Variants in PDE11A observed in about 807,000 individuals in gnomAD.
PDE11A encodes the protein dual 3',5'-cyclic-AMP and -GMP phosphodiesterase 11A.
Under a neutral mutation model 100.5 loss-of-function variants are expected in PDE11A, and 100 were observed. The ratio of observed to expected loss-of-function variants is 1.00; its 90% CI spans 0.85 to 1.18. PDE11A has a LOEUF of 1.18. PDE11A is among the 50% of genes most tolerant of loss of function. PDE11A has a pLI of 0.00. For missense variants in PDE11A, 1,141 were observed against 1,152.6 expected (o/e 0.99, Z 0.15); for synonymous variants, 381 against 420.8 (o/e 0.91, Z 1.16).
rs138273628 is a variant in PDE11A, at chr2:177,893,952, A to C, written c.1302+4106T>G. 2.1e-3 allele frequency among the ~76,000 whole-genome samples: 326 copies of C among 152,342 alleles called. 1 individual carries two copies. The highest frequency in any genetic ancestry group is 6.9e-3 in the African/African-American group (286 of 41,576). On this transcript the variant is annotated intron_variant, in intron 4 of 19. Transcript: ENST00000286063. Reference sequence around the variant, plus strand: ...TGAAAATCTTCTAATACAGTAGATTAGAAGGGTGGTCATTCTTGCTAATCT... The same window carrying C: ...TGAAAATCTTCTAATACAGTAGATTCGAAGGGTGGTCATTCTTGCTAATCT...
intron 19 of PDE11A, among the ~76,000 whole-genome samples, chr2:177,635,072 C>G (rs532391300): frequency 3.3e-5 from 5 of 152,304 alleles, no homozygotes; most frequent in Admixed American, 2.6e-4. Context: ...ACACAGCTAC[C>G]GTTGAAACCC....
intron 10 of PDE11A, among the ~76,000 whole-genome samples, chr2:177,750,267 C>T (rs1279281186): frequency 1.3e-5 from 2 of 152,096 alleles, no homozygotes; most frequent in Non-Finnish European, 2.9e-5. Flanking sequence ...ATTTATAACT[C>T]AAAACAGCAA....
intron 19 of PDE11A, among the ~76,000 whole-genome samples, chr2:177,630,165 AGGGATGAAAGG>A (rs2079896780): frequency 6.6e-6 from 1 of 152,298 alleles, no homozygotes; most frequent in South Asian, 2.1e-4. Flanking sequence ...AGAGTGACAG[AGGGATGAAAGG>A]GGGATGAGGG....
chr2:177,669,515 A>G lies in PDE11A; in HGVS notation c.2540T>C (p.Leu847Ser). 1 of 1,413,814 alleles carries G rather than the reference A, an allele frequency of 7.1e-7. No homozygotes were observed. The highest frequency in any genetic ancestry group is 1.0e-6 in the Non-Finnish European group (1 of 997,570). 87.6% of individuals were successfully genotyped at this position (1,413,814 alleles called of 1,614,324 possible). A position where few individuals can be genotyped will look rare whatever the true frequency, so the allele number is the denominator to read the frequency against. Residue 847 changes from leucine (L) to serine (S), a missense_variant, in exon 18 of 20, where the codon TTA becomes TCA. Leu to Ser is a moderately radical substitution (Grantham distance 145, BLOSUM62 -2). Transcript: ENST00000286063. ...CACTGAAGGAGTGAGTTTGAGCTCT[A>G]ATCTCTCCCGATCTCCTTGTTCGAA... ...EFFEQGDRER[L>S]ELKLTPSAIF...
At chr2:177,774,872 G>A (rs2105509524) in intron 9 of PDE11A, among the ~76,000 whole-genome samples, 1 of 152,306 alleles carries the variant, frequency 6.6e-6, no homozygotes, top group East Asian at 1.9e-4. Flanking sequence ...GTCACAAGGA[G>A]GAACTGAGGT....
intron 2 of PDE11A, among the ~76,000 whole-genome samples, chr2:177,944,716 C>G (rs1047068881): frequency 6.6e-6 from 1 of 152,102 alleles, no homozygotes; most frequent in East Asian, 1.9e-4. Context: ...TCCGAGAGAC[C>G]GCCGAGGTGC....
At chr2:177,854,385 A>G (rs2083792069) in intron 5 of PDE11A, among the ~76,000 whole-genome samples, 1 of 152,086 alleles carries the variant, frequency 6.6e-6, no homozygotes, top group Non-Finnish European at 1.5e-5. Context: ...ATACATTTCC[A>G]AATTCATTAA....
At chr2:177,986,759 A>C (rs1449829435) in intron 2 of PDE11A, among the ~76,000 whole-genome samples, 2 of 151,124 alleles carry the variant, frequency 1.3e-5, no homozygotes, top group Non-Finnish European at 2.9e-5. Context: ...TGAACACGGG[A>C]GGCAGAGGTT....
At chr2:178,094,842 G>C (rs947214474) in intron 2 of PDE11A, among the ~76,000 whole-genome samples, 2 of 152,178 alleles carry the variant, frequency 1.3e-5, no homozygotes, top group African/African-American at 4.8e-5. Context: ...GCAGGAAAGA[G>C]AAGCATGAAA....
rs558880344 is a variant in PDE11A, at chr2:178,053,530, A to G, written c.912+17996T>C. Among the ~76,000 whole-genome samples the G allele has an allele frequency of 7.9e-5, 12 of 152,296 alleles. No homozygotes were observed. The South Asian group carries it at 2.5e-3, about 32-fold the overall frequency. On this transcript the variant is annotated intron_variant, in intron 1 of 19. Transcript: ENST00000286063. ...TCTGGCCAGGGCAATCAGGCAGGAGAAAGAAATAAAGGGTATTCAATTAGG... is the reference window on the plus strand; with the variant it reads ...TCTGGCCAGGGCAATCAGGCAGGAGGAAGAAATAAAGGGTATTCAATTAGG...
chr2:178,063,471 A>T (rs2086999476), intron 1 of PDE11A, among the ~76,000 whole-genome samples: 1 of 152,196 alleles, frequency 6.6e-6, no homozygotes. Context: ...CGCATAGGGA[A>T]AGGCCAGGGT....
intron 1 of PDE11A, among the ~76,000 whole-genome samples, chr2:178,052,980 T>C (rs1270147046): frequency 6.6e-6 from 1 of 151,994 alleles, no homozygotes; most frequent in Non-Finnish European, 1.5e-5. Context: ...TTCCAATCAA[T>C]AGAAAAAGAG....
rs1295234847 is a variant in PDE11A, at chr2:177,810,824, T to G, written c.1737+6005A>C. On this transcript the variant is annotated intron_variant, in intron 9 of 19. Transcript: ENST00000286063. ...GTAGAAGGCTATTGCAATTGTCCAGTGCAGAGGTAATGGAGCCCTTAAGTA... is the reference window on the plus strand; with the variant it reads ...GTAGAAGGCTATTGCAATTGTCCAGGGCAGAGGTAATGGAGCCCTTAAGTA... Among the ~76,000 whole-genome samples, 4 of 151,846 alleles carry G rather than the reference T, an allele frequency of 2.6e-5. No individual in the cohort carries two copies. The East Asian group carries it at 7.8e-4, about 29-fold the overall frequency.
At chr2:177,693,340 T>C (rs568059510) in intron 15 of PDE11A, among the ~76,000 whole-genome samples, 1 of 152,230 alleles carries the variant, frequency 6.6e-6, no homozygotes, top group Non-Finnish European at 1.5e-5. Context: ...CAGATCAACA[T>C]TTGGTTGATG....
intron 15 of PDE11A, among the ~76,000 whole-genome samples, chr2:177,692,647 C>T (rs1199195521): frequency 6.6e-6 from 1 of 152,164 alleles, no homozygotes; most frequent in Non-Finnish European, 1.5e-5. Flanking sequence ...AACTGGAAAA[C>T]GTTTTCAGTG....
chr2:177,894,763 C>T (rs999592627), intron 4 of PDE11A, among the ~76,000 whole-genome samples: 7 of 152,214 alleles, frequency 4.6e-5, no homozygotes, highest in African/African-American at 1.4e-4. Context: ...GCATCCTTAT[C>T]TTAATTTAAA....
intron 10 of PDE11A, among the ~76,000 whole-genome samples, chr2:177,751,850 G>C (rs1367128652): frequency 6.6e-6 from 1 of 152,150 alleles, no homozygotes; most frequent in Non-Finnish European, 1.5e-5. Flanking sequence ...GATACATACA[G>C]GTTTTTTCAT....
intron 5 of PDE11A, among the ~76,000 whole-genome samples, chr2:177,841,760 C>T (rs10930814): frequency 0.32 from 49,035 of 152,026 alleles, 9,977 homozygotes; most frequent in East Asian, 0.53. Context: ...CTCTATGGCT[C>T]TCTGGCTGAA....
At chr2:178,019,018 A>C (rs2086374781) in intron 1 of PDE11A, among the ~76,000 whole-genome samples, 1 of 152,248 alleles carries the variant, frequency 6.6e-6, no homozygotes, top group Non-Finnish European at 1.5e-5. Context: ...AACAGAATTC[A>C]GTTTAATTAC....
Sources: gnomAD v4.1 joint callset for allele counts (sites outside exome capture counted in the v4.1 genomes callset) on GRCh38, gnomAD v4.1.1 for gene constraint, MANE v1.5 for transcripts, NCBI Gene and HGNC (gene_info 2026-07-23, HGNC 2026-07-21) for gene names.